NDUFAF5: variants seen among roughly 807,000 people sequenced by gnomAD.
NDUFAF5 encodes NADH:ubiquinone oxidoreductase complex assembly factor 5, also known as arginine-hydroxylase NDUFAF5, mitochondrial.
NDUFAF5 carries 34 observed loss-of-function variants against 48.9 expected under a neutral mutation model. That is an observed-to-expected ratio of 0.70 (90% CI 0.53 to 0.93). The LOEUF is 0.93. Among genes scored for constraint, NDUFAF5 ranks in the 40% least tolerant of loss-of-function variants. The pLI is 0.00. For synonymous variants in NDUFAF5, 153 were observed against 150.6 expected, an observed-to-expected ratio of 1.02 and a Z score of -0.12; for missense variants, 428 against 427.5, an observed-to-expected ratio of 1.00 and a Z score of -0.01.
chr20:13,816,499 C>A lies in NDUFAF5; in HGVS notation c.815C>A (p.Ala272Asp). The A allele has an allele frequency of 6.2e-7, 1 of 1,614,138 alleles. No homozygotes were observed. Among genetic ancestry groups the A allele is most frequent in the South Asian group, 1.1e-5 (1 of 91,084 alleles). ...AGTAACTGTGCTTGGAATAGAAAAG[C>A]CCTGCTGCATCGAGACACAATGCTG... is the stretch of plus-strand genomic sequence containing the variant. ...GESNCAWNRKALLHRDTMLAA... is the reference protein window; with the variant it reads ...GESNCAWNRKDLLHRDTMLAA... Residue 272 changes from alanine (A) to aspartate (D), a missense_variant, in exon 9 of 11, where the codon GCC (alanine) becomes GAC (aspartate). Ala to Asp is a moderately radical substitution (Grantham distance 126, BLOSUM62 -2). Coordinates refer to ENST00000378106, the MANE Select transcript of NDUFAF5 (RefSeq NM_024120.5).
chr20:13,789,668 G>A (rs550192848), intron 3 of NDUFAF5, among the ~76,000 whole-genome samples: 1 of 151,994 alleles, frequency 6.6e-6, no homozygotes, highest in South Asian at 2.1e-4. Context: ...AGTAGAGACG[G>A]GGTTTCACCG....
At chr20:13,808,987 A>G in intron 8 of NDUFAF5, 85 bp downstream of exon 8, 3 of 892,524 alleles carry the variant, frequency 3.4e-6, no homozygotes, top group Non-Finnish European at 5.6e-6. Flanking sequence ...TGAGAGAAAC[A>G]TTTTGAGAGC....
chr20:13,794,799 C>T, intron 4 of NDUFAF5, 39 bp from the exon 5 acceptor site: 5 of 1,196,066 alleles, frequency 4.2e-6, no homozygotes, highest in Non-Finnish European at 6.2e-6. Flanking sequence ...TGAGATTCTA[C>T]ATAAATGTGA....
At position 13,819,652 on chromosome 20, in the gene NDUFAF5, C is replaced by G. The variant is rs1986846457; in HGVS notation, c.*2442C>G. 1 of 152,402 alleles carries G rather than the reference C, an allele frequency of 6.6e-6. No homozygotes were observed. Among genetic ancestry groups the G allele is most frequent in the African/African-American group, 2.4e-5 (1 of 41,448 alleles). The allele number at this position is 152,402 out of a possible 1,614,324, so 9.4% of individuals were successfully genotyped here. A position where few individuals can be genotyped will look rare whatever the true frequency, so the allele number is the denominator to read the frequency against. Reference sequence around the variant, plus strand: ...AAAGTGCTGAGATTACAGGTGTGAGCCACCAGGCCTGGCCAATAACCATTT... The same window carrying G: ...AAAGTGCTGAGATTACAGGTGTGAGGCACCAGGCCTGGCCAATAACCATTT... On this transcript the variant is annotated 3_prime_UTR_variant, in exon 11 of 11. Transcript: ENST00000378106.
Position 13,813,655 on chromosome 20 carries a change from G to A in NDUFAF5, c.779-2808G>A, listed in dbSNP as rs147984693. ...ACAAGGAGAAACACAGGAGGAAAAG[G>A]CCCTAAATCTGCTTAGGGGGTCAGG... On this transcript the variant is annotated intron_variant, in intron 8 of 10. Coordinates refer to ENST00000378106, the MANE Select transcript of NDUFAF5 (RefSeq NM_024120.5). 1.7e-3 allele frequency among the ~76,000 whole-genome samples: 255 copies of A among 152,260 alleles called. 2 individuals are homozygous for A. Among genetic ancestry groups the A allele is most frequent in the African/African-American group, 5.8e-3 (240 of 41,538 alleles).
intron 3 of NDUFAF5, among the ~76,000 whole-genome samples, chr20:13,788,907 T>C (rs1981704713): frequency 6.6e-6 from 1 of 152,174 alleles, no homozygotes; most frequent in Non-Finnish European, 1.5e-5. Flanking sequence ...CTATAGAAGA[T>C]ATATTTCTCT....
chr20:13,797,655 T>A (rs1983450839), intron 5 of NDUFAF5, among the ~76,000 whole-genome samples: 1 of 152,290 alleles, frequency 6.6e-6, no homozygotes, highest in Admixed American at 6.5e-5. Context: ...TATTATAATA[T>A]TGGATATATG....
intron 3 of NDUFAF5, among the ~76,000 whole-genome samples, chr20:13,791,123 G>A (rs926090598): frequency 2.6e-5 from 4 of 152,210 alleles, no homozygotes; most frequent in Non-Finnish European, 5.9e-5. Context: ...GATGTGGCAA[G>A]GAGCACGGGA....
chr20:13,793,699 T>C (rs971590519), intron 4 of NDUFAF5, among the ~76,000 whole-genome samples: 7 of 152,264 alleles, frequency 4.6e-5, no homozygotes, highest in Admixed American at 2.0e-4. Flanking sequence ...AAAATCCTTA[T>C]GTGAAGCCAC....
Position 13,788,677 on chromosome 20 carries a change from T to C in NDUFAF5, c.327+25T>C, listed in dbSNP as rs767062917. 6.0e-6 allele frequency: 9 copies of C among 1,496,370 alleles called. No homozygotes were observed. In the South Asian group the frequency reaches 9.0e-5, roughly 15 times the overall value. 92.7% of individuals were successfully genotyped at this position (1,496,370 alleles called of 1,614,324 possible). ...GGTATATTTATTCAATGACCTAATT[T>C]ACTTTGAAAAGTAACATTGGCTAAT... is the stretch of plus-strand genomic sequence containing the variant. On this transcript the variant is annotated intron_variant, in intron 3 of 10. Coordinates refer to ENST00000378106, the MANE Select transcript of NDUFAF5 (RefSeq NM_024120.5).
intron 7 of NDUFAF5, among the ~76,000 whole-genome samples, chr20:13,802,683 A>AG (rs1555835162): frequency 2.7e-5 from 4 of 148,944 alleles, no homozygotes; most frequent in South Asian, 2.1e-4. Context: ...AAAAAAAAAA[A>AG]AAAAAAAGCA....
At chr20:13,815,292 C>T (rs987256798) in intron 8 of NDUFAF5, among the ~76,000 whole-genome samples, 24 of 152,270 alleles carry the variant, frequency 1.6e-4, no homozygotes, top group Admixed American at 5.2e-4. Context: ...GAAGCCTTTA[C>T]GGAGCATCTA....
intron 5 of NDUFAF5, among the ~76,000 whole-genome samples, chr20:13,796,497 G>A (rs780884483): frequency 9.9e-5 from 15 of 152,132 alleles, no homozygotes; most frequent in African/African-American, 2.9e-4. Context: ...AATACTTGTC[G>A]AAAAGCATTA....
In NDUFAF5 at chr20:13,789,257, C is replaced by T. The variant is rs147445438; in HGVS notation, c.327+605C>T. Among the ~76,000 whole-genome samples, 15 of 151,934 alleles carry T rather than the reference C, an allele frequency of 9.9e-5. No homozygotes were observed. The East Asian group carries it at 1.9e-3, about 20-fold the overall frequency. On this transcript the variant is annotated intron_variant, in intron 3 of 10. Transcript: ENST00000378106. ...TCGGCTCACTGCAACCTCTGCCTCC[C>T]GGGTTTGAACGATTCTCCTGCCGCA...
chr20:13,805,702 G>T (rs531056796), intron 7 of NDUFAF5, among the ~76,000 whole-genome samples: 2 of 152,064 alleles, frequency 1.3e-5, no homozygotes, highest in Non-Finnish European at 2.9e-5. Context: ...ACTTTGGGAG[G>T]CCTAGGTCAG....
At chr20:13,792,207 A>C (rs1403131396) in intron 3 of NDUFAF5, among the ~76,000 whole-genome samples, 1 of 152,232 alleles carries the variant, frequency 6.6e-6, no homozygotes, top group East Asian at 1.9e-4. Context: ...GAGCTGGCTC[A>C]TGAGAGCTAT....
At chr20:13,807,139 C>T (rs1313850702) in intron 7 of NDUFAF5, among the ~76,000 whole-genome samples, 1 of 151,996 alleles carries the variant, frequency 6.6e-6, no homozygotes, top group African/African-American at 2.4e-5. Context: ...CTCTGCCTCC[C>T]GGGTTCAAGC....
In NDUFAF5 at chr20:13,817,178, A is replaced by C. The variant is rs746471101; in HGVS notation, c.1006A>C (p.Asn336His). 2 of 1,613,962 alleles carry C rather than the reference A, an allele frequency of 1.2e-6. No homozygotes were observed. The highest frequency in any genetic ancestry group is 2.7e-5 in the African/African-American group (2 of 75,040). Residue 336 changes from asparagine to histidine, a missense_variant, in exon 11 of 11, where the codon AAC (asparagine) becomes CAC (histidine). Transcript: ENST00000378106. ...ATTTGGAGAGCTAGGAAAAATAAAC[A>C]ACCTTATGCCACCGGGGAAAAAATC... ...VSFGELGKIN[N>H]LMPPGKKSQ
At chr20:13,815,700 G>C (rs1986377249) in intron 8 of NDUFAF5, among the ~76,000 whole-genome samples, 1 of 152,106 alleles carries the variant, frequency 6.6e-6, no homozygotes, top group Non-Finnish European at 1.5e-5. Flanking sequence ...TTAATATAGA[G>C]AATACATATG....
Sources: gnomAD v4.1 joint callset for allele counts (sites outside exome capture counted in the v4.1 genomes callset) on GRCh38, gnomAD v4.1.1 for gene constraint, MANE v1.5 for transcripts, NCBI Gene and HGNC (gene_info 2026-07-23, HGNC 2026-07-21) for gene names.